CTNNA3: variants seen among roughly 807,000 people sequenced by gnomAD.
The protein encoded by CTNNA3 is catenin alpha 3, also known as catenin alpha-3.
A neutral mutation model predicts 95.7 loss-of-function variants in CTNNA3; 76 were observed. That is an observed-to-expected ratio of 0.79 (90% CI 0.66 to 0.96). The LOEUF (loss-of-function observed/expected upper bound fraction) is 0.96, where lower values mean the gene tolerates loss of function less well. Among genes scored for constraint, CTNNA3 ranks in the 40% least tolerant of loss-of-function variants. CTNNA3 has a pLI of 0.00. For synonymous variants in CTNNA3, 431 were observed against 374.4 expected (o/e 1.15, Z -1.74); for missense variants, 1,191 against 1,089.8 (o/e 1.09, Z -1.31).
At chr10:67,396,040 A>G (rs1044298933) in intron 5 of CTNNA3, among the ~76,000 whole-genome samples, 1 of 152,222 alleles carries the variant, frequency 6.6e-6, no homozygotes, top group Non-Finnish European at 1.5e-5. Context: ...AAATAAAAGC[A>G]GAGTATATTT....
At chr10:66,928,330 A>G in intron 7 of CTNNA3, 1 of 1,614,132 alleles carries the variant, frequency 6.2e-7, no homozygotes, top group Non-Finnish European at 8.5e-7. Context: ...CCTAAAGCAA[A>G]TGACTCCCAG....
At chr10:67,427,434 G>C (rs1247987637) in intron 5 of CTNNA3, among the ~76,000 whole-genome samples, 3 of 151,996 alleles carry the variant, frequency 2.0e-5, no homozygotes, top group Admixed American at 6.6e-5. Context: ...TCATTAAATA[G>C]CAATTAGATA....
At chr10:66,544,297 G>C (rs1841970181) in intron 10 of CTNNA3, among the ~76,000 whole-genome samples, 2 of 151,882 alleles carry the variant, frequency 1.3e-5, no homozygotes, top group South Asian at 2.1e-4. Context: ...TTCCAATATA[G>C]GCAAGATGTC....
chr10:66,455,780 A>G (rs2093491346), intron 11 of CTNNA3, among the ~76,000 whole-genome samples: 2 of 152,158 alleles, frequency 1.3e-5, no homozygotes, highest in Non-Finnish European at 2.9e-5. Flanking sequence ...TTCTTTCACC[A>G]CTAGCTCACT....
At chr10:66,369,803 C>T (rs549983388) in intron 12 of CTNNA3, among the ~76,000 whole-genome samples, 1 of 152,158 alleles carries the variant, frequency 6.6e-6, no homozygotes, top group East Asian at 1.9e-4. Context: ...TACCTTATTT[C>T]GGCAACAGCT....
intron 5 of CTNNA3, among the ~76,000 whole-genome samples, chr10:67,360,016 T>C (rs1446447770): frequency 6.6e-6 from 1 of 152,144 alleles, no homozygotes; most frequent in Non-Finnish European, 1.5e-5. Flanking sequence ...AGTAGGTTTC[T>C]ACTTTTCAAG....
intron 5 of CTNNA3, 66 bp downstream of exon 5, chr10:67,521,776 G>T (rs1159295799): frequency 6.4e-7 from 1 of 1,567,074 alleles, no homozygotes; most frequent in South Asian, 1.2e-5. Flanking sequence ...CTGCACCTCT[G>T]ACAGGCAGGA....
At chr10:67,035,343 G>A (rs1853979518) in intron 7 of CTNNA3, among the ~76,000 whole-genome samples, 1 of 152,144 alleles carries the variant, frequency 6.6e-6, no homozygotes. Context: ...ATAATGTTGA[G>A]AATGATTCAG....
intron 3 of CTNNA3, among the ~76,000 whole-genome samples, chr10:67,566,041 G>GTATACATATATATATATATATATA (rs1388066358): frequency 1.4e-4 from 4 of 29,432 alleles, no homozygotes; most frequent in African/African-American, 5.4e-4. Flanking sequence ...ATATGTGTGT[G>GTATACATATATATATATATATATA]TGTATATATA....
intron 3 of CTNNA3, among the ~76,000 whole-genome samples, chr10:67,558,940 T>C (rs376274225): frequency 1.3e-5 from 2 of 150,666 alleles, no homozygotes; most frequent in African/African-American, 2.4e-5. Context: ...GGGGGAGGGG[T>C]GCCCGCCATT....
At chr10:65,995,013 A>T (rs1013673218) in intron 15 of CTNNA3, among the ~76,000 whole-genome samples, 1 of 151,712 alleles carries the variant, frequency 6.6e-6, no homozygotes, top group Non-Finnish European at 1.5e-5. Context: ...CTTTTTTATG[A>T]TGCTTATCAC....
intron 7 of CTNNA3, among the ~76,000 whole-genome samples, chr10:67,033,864 G>T (rs1399784387): frequency 6.6e-6 from 1 of 152,060 alleles, no homozygotes. Flanking sequence ...TCTGCCTCCC[G>T]GGTTCAAGCA....
chr10:66,235,953 ATAG>A (rs2089836012), intron 13 of CTNNA3, among the ~76,000 whole-genome samples: 1 of 152,164 alleles, frequency 6.6e-6, no homozygotes, highest in Non-Finnish European at 1.5e-5. Flanking sequence ...CTATTTTCTC[ATAG>A]TAGCACTTTT....
chr10:66,223,132 C>T (rs895767077), intron 13 of CTNNA3, among the ~76,000 whole-genome samples: 1 of 151,954 alleles, frequency 6.6e-6, no homozygotes, highest in Non-Finnish European at 1.5e-5. Flanking sequence ...TTAAGAACAT[C>T]CCTGAAATGC....
At chr10:66,305,302 GCTT>G (rs1020084615) in intron 12 of CTNNA3, among the ~76,000 whole-genome samples, 8 of 152,034 alleles carry the variant, frequency 5.3e-5, no homozygotes, top group African/African-American at 1.9e-4. Context: ...TCATGTTTGA[GCTT>G]CTTTTGCTGA....
intron 7 of CTNNA3, among the ~76,000 whole-genome samples, chr10:66,793,837 C>T (rs575928496): frequency 6.6e-6 from 1 of 152,126 alleles, no homozygotes; most frequent in Admixed American, 6.6e-5. Flanking sequence ...TCTGCAACTA[C>T]ATAAAGAACA....
chr10:67,158,294 C>CA (rs1861395046), intron 7 of CTNNA3, among the ~76,000 whole-genome samples: 1 of 152,064 alleles, frequency 6.6e-6, no homozygotes, highest in East Asian at 1.9e-4. Context: ...ATACTATAGG[C>CA]CTGGCACTTA....
chr10:66,764,740 G>C (rs574138486), intron 9 of CTNNA3, among the ~76,000 whole-genome samples: 3 of 152,040 alleles, frequency 2.0e-5, no homozygotes, highest in Admixed American at 6.6e-5. Flanking sequence ...ATTTCTTCCC[G>C]CCTTACTTTT....
intron 14 of CTNNA3, among the ~76,000 whole-genome samples, chr10:66,101,959 CAT>C (rs1198643950): frequency 1.3e-5 from 2 of 152,064 alleles, no homozygotes; most frequent in African/African-American, 4.8e-5. Context: ...AATATCAAAA[CAT>C]GTGAGGAATA....
Sources: allele counts gnomAD v4.1 joint callset (sites outside exome capture counted in the v4.1 genomes callset), GRCh38; gene constraint gnomAD v4.1.1; transcripts MANE v1.5; gene names NCBI Gene and HGNC (gene_info 2026-07-23, HGNC 2026-07-21).